The following TPPP2 variants were observed in gnomAD, a reference collection of about 807,000 sequenced individuals.
The protein encoded by TPPP2 is tubulin polymerization promoting protein family member 2, also known as tubulin polymerization-promoting protein family member 2.
TPPP2 carries 8 observed loss-of-function variants against 13.0 expected under a neutral mutation model. That is an observed-to-expected ratio of 0.62 (90% confidence interval 0.36 to 1.11). The LOEUF (loss-of-function observed/expected upper bound fraction) is 1.11. Ranked by LOEUF, TPPP2 falls within the 50% of genes most tolerant of loss-of-function variation. The pLI is 0.02. For missense variants in TPPP2, 213 were observed against 216.9 expected (o/e 0.98, Z 0.11); for synonymous variants, 81 against 81.8 (o/e 0.99, Z 0.05).
At chr14:21,036,339 G>C (rs180962800), downstream of TPPP2, 161 of 442,520 alleles carry the variant, frequency 3.6e-4, 1 homozygote, top group East Asian at 7.1e-3. Flanking sequence ...ATAGGGTAGG[G>C]GTGCCCAGTC....
At chr14:21,025,312 T>G, upstream of TPPP2, 1 of 945,922 alleles carries the variant, frequency 1.1e-6, no homozygotes, top group Non-Finnish European at 1.3e-6. This position sits in a 1 kb window ranked among gnomAD's most constrained non-coding sequence, Gnocchi z 5.1. Context: ...CCTCCCCGCA[T>G]TGGGGCGGTG....
chr14:21,033,994 A>G (rs371774765), downstream of TPPP2: 3 of 1,614,002 alleles, frequency 1.9e-6, no homozygotes, highest in African/African-American at 4.0e-5. Flanking sequence ...AGTGTGCAGT[A>G]TTCATTGTAA....
chr14:21,026,837 ACT>A (rs1262928369), upstream of TPPP2, among the ~76,000 whole-genome samples: 1 of 151,844 alleles, frequency 6.6e-6, no homozygotes, highest in African/African-American at 2.4e-5. Flanking sequence ...CCAGTTTAAC[ACT>A]CTCCTGGACA....
chr14:21,031,263 A>G, intron 3 of TPPP2, 98 bp downstream of exon 3: 1 of 1,477,014 alleles, frequency 6.8e-7, no homozygotes, highest in Non-Finnish European at 9.1e-7. Flanking sequence ...CTGTAGAGAC[A>G]GGGCCGAAAC....
downstream of TPPP2, chr14:21,034,329 G>A (rs370621863): frequency 9.5e-6 from 14 of 1,480,574 alleles, no homozygotes; most frequent in Non-Finnish European, 1.3e-5. Flanking sequence ...GGGCAGCAGT[G>A]GGCCTGAAGT....
At chr14:21,025,810 G>T, upstream of TPPP2, 2 of 765,806 alleles carry the variant, frequency 2.6e-6, no homozygotes, top group Non-Finnish European at 3.2e-6. The surrounding 1 kb of genome is among the most constrained non-coding windows in gnomAD (Gnocchi z 5.1). Context: ...GCAGGCGGGG[G>T]GTGGGGAGAG....
Position 21,032,659 on chromosome 14 carries a change from C to G in TPPP2, c.*582C>G, listed in dbSNP as rs1029215069. The G allele has an allele frequency of 5.8e-6, 2 of 342,220 alleles. No homozygotes were observed. Among genetic ancestry groups the G allele is most frequent in the African/African-American group, 4.4e-5 (2 of 45,900 alleles). The allele number at this position is 342,220 out of a possible 1,614,324, so 21.2% of individuals were successfully genotyped here. ...ACACCCAGCCCAGAACTAAGTTTTACCCCACATCACCTCCATCATGGGGCA... is the reference window on the plus strand; with the variant it reads ...ACACCCAGCCCAGAACTAAGTTTTAGCCCACATCACCTCCATCATGGGGCA... On this transcript the variant is annotated 3_prime_UTR_variant, in exon 4 of 4. Coordinates refer to ENST00000321760, the MANE Select transcript of TPPP2 (RefSeq NM_173846.5).
chr14:21,025,891 T>A (rs1238671403), upstream of TPPP2: 1 of 213,950 alleles, frequency 4.7e-6, no homozygotes, highest in Non-Finnish European at 8.0e-6. This position sits in a 1 kb window ranked among gnomAD's most constrained non-coding sequence, Gnocchi z 5.1. Context: ...CCCCAGAGGC[T>A]CTGACTCCTG....
downstream of TPPP2, chr14:21,034,084 G>C: frequency 6.2e-7 from 1 of 1,614,108 alleles, no homozygotes; most frequent in Non-Finnish European, 8.5e-7. Flanking sequence ...TGGATCTTTG[G>C]GCAATCTGAA....
At position 21,031,034 on chromosome 14, in the gene TPPP2, A is replaced by T; in HGVS notation, c.196A>T (p.Thr66Ser). The T allele has an allele frequency of 6.2e-7, 1 of 1,611,262 alleles. No homozygotes were observed. Among genetic ancestry groups the T allele is most frequent in the South Asian group, 1.1e-5 (1 of 90,444 alleles). ...KVKAKNARTI[T>S]FQQFKEAVKE... is the part of the protein sequence containing the mutation. ...CAGGGCCAAGAACGCCCGAACCATC[A>T]CGTTTCAACAGTTCAAAGAGGCAGT... Residue 66 changes from threonine (T) to serine (S), a missense_variant, in exon 3 of 4, where the codon ACG (threonine) becomes TCG (serine). Transcript: ENST00000321760.
intron 3 of TPPP2, 88 bp from the exon 4 acceptor site, chr14:21,031,804 T>C: frequency 6.9e-7 from 1 of 1,439,376 alleles, no homozygotes. Flanking sequence ...CTCCAAGCAC[T>C]TGTTCTAAGT....
At chr14:21,033,864 T>C (rs140148764), downstream of TPPP2, 526 of 1,614,110 alleles carry the variant, frequency 3.3e-4, 6 homozygotes, top group East Asian at 8.1e-3. Flanking sequence ...ATCAGCTTCA[T>C]ACTTGCGGGA....
downstream of TPPP2, chr14:21,032,846 T>C (rs1019424735): frequency 4.7e-6 from 2 of 423,036 alleles, no homozygotes; most frequent in African/African-American, 2.1e-5. Context: ...TATTTTGAAT[T>C]GATTATGGGT....
At position 21,030,768 on chromosome 14, in the gene TPPP2, A is replaced by T; in HGVS notation, c.173+14A>T. 6.2e-7 allele frequency: 1 copy of T among 1,612,472 alleles called. No individual in the cohort carries two copies. The highest frequency in any genetic ancestry group is 8.5e-7 in the Non-Finnish European group (1 of 1,179,030). On this transcript the variant is annotated intron_variant, in intron 2 of 3. Transcript: ENST00000321760. ...CAGCAAAGTCAAGTGAGGAGCCAAA[A>T]ATATGGAGGTGGGGGTGAGAAGAAC...
Position 21,032,200 on chromosome 14 carries a change from G to T in TPPP2, c.*123G>T. 9.9e-7 allele frequency: 1 copy of T among 1,010,036 alleles called. No homozygotes were observed. The allele number at this position is 1,010,036 out of a possible 1,614,324, so 62.6% of individuals were successfully genotyped here. Reference sequence around the variant, plus strand: ...ATCTCTGTCTGTGAGGGACAGATGAGCCTACTAGTGTAGAGAGAGGGAGAA... The same window carrying T: ...ATCTCTGTCTGTGAGGGACAGATGATCCTACTAGTGTAGAGAGAGGGAGAA... On this transcript the variant is annotated 3_prime_UTR_variant, in exon 4 of 4. Transcript: ENST00000321760.
intron 1 of TPPP2, chr14:21,024,484 C>A: frequency 1.0e-6 from 1 of 980,596 alleles, no homozygotes; most frequent in Non-Finnish European, 1.2e-6. Flanking sequence ...AATAGGGGAT[C>A]CCCAAAATTT....
downstream of TPPP2, chr14:21,033,827 C>T (rs199616382): frequency 8.1e-6 from 13 of 1,603,684 alleles, no homozygotes; most frequent in Middle Eastern, 3.3e-4. Flanking sequence ...ATTAAATTCC[C>T]GAATAGAGAC....
chr14:21,025,429 C>A, upstream of TPPP2: 1 of 985,690 alleles, frequency 1.0e-6, no homozygotes, highest in Non-Finnish European at 1.2e-6. The surrounding 1 kb of genome is among the most constrained non-coding windows in gnomAD (Gnocchi z 5.1). Flanking sequence ...CCTTCCTTCG[C>A]CCCCAGACTC....
At chr14:21,033,874 A>C (rs2277847), downstream of TPPP2, 28 of 1,614,102 alleles carry the variant, frequency 1.7e-5, no homozygotes, top group East Asian at 5.8e-4. Flanking sequence ...TACTTGCGGG[A>C]GCAGAGTAGG....
Sources: allele counts gnomAD v4.1 joint callset (sites outside exome capture counted in the v4.1 genomes callset), GRCh38; gene constraint gnomAD v4.1.1; non-coding constraint Gnocchi (gnomAD v3.1); transcripts MANE v1.5; gene names NCBI Gene and HGNC (gene_info 2026-07-23, HGNC 2026-07-21).